Variants in RAPGEF5 observed in about 807,000 individuals in gnomAD.
RAPGEF5 encodes M-Ras-regulated GEF.
Under a neutral mutation model 125.2 loss-of-function variants are expected in RAPGEF5, and 65 were observed. The ratio of observed to expected loss-of-function variants is 0.52; its 90% CI spans 0.43 to 0.64. The LOEUF (loss-of-function observed/expected upper bound fraction) is 0.64, where lower values mean the gene tolerates loss of function less well. Ranked by LOEUF, RAPGEF5 falls within the 30% of genes least tolerant of loss-of-function variation. The probability of loss-of-function intolerance (pLI) is 0.00; values close to 1 mark genes in which losing one functional copy is unlikely to be tolerated. For synonymous variants in RAPGEF5, 391 were observed against 385.9 expected (o/e 1.01, Z -0.16); for missense variants, 958 against 1,048.1 (o/e 0.91, Z 1.19).
At chr7:22,195,603 C>T (rs1173612904) in intron 9 of RAPGEF5, among the ~76,000 whole-genome samples, 1 of 152,034 alleles carries the variant, frequency 6.6e-6, no homozygotes, top group Admixed American at 6.6e-5. Flanking sequence ...GTGGGACTCC[C>T]GTAACATGAA....
chr7:22,356,241 C>T, intron 1 of RAPGEF5: 1 of 985,412 alleles, frequency 1.0e-6, no homozygotes, highest in African/African-American at 1.7e-5. Flanking sequence ...TTCTTGGGGG[C>T]GTGCACCCTC....
At chr7:22,193,787 C>T (rs1422328795) in intron 10 of RAPGEF5, 128 bp downstream of exon 10, 1 of 1,600,210 alleles carries the variant, frequency 6.2e-7, no homozygotes, top group Non-Finnish European at 8.5e-7. Context: ...GCTGGAGAGG[C>T]GGAGAGAAAA....
chr7:22,254,043 C>T (rs992898823), intron 7 of RAPGEF5, among the ~76,000 whole-genome samples: 4 of 152,128 alleles, frequency 2.6e-5, no homozygotes, highest in African/African-American at 9.7e-5. Context: ...TCATCAATTT[C>T]ATTTCTTGTG....
chr7:22,190,890 C>T (rs947968868), intron 11 of RAPGEF5, among the ~76,000 whole-genome samples: 1 of 152,188 alleles, frequency 6.6e-6, no homozygotes, highest in East Asian at 1.9e-4. Context: ...TGCTATTAGG[C>T]CATGTGGAGG....
chr7:22,274,062 C>T (rs996253919), intron 6 of RAPGEF5, among the ~76,000 whole-genome samples: 1 of 152,162 alleles, frequency 6.6e-6, no homozygotes, highest in African/African-American at 2.4e-5. Context: ...CCATGGCATC[C>T]CATGCTCCAG....
chr7:22,312,927 T>C (rs975990238), intron 3 of RAPGEF5, among the ~76,000 whole-genome samples: 1 of 152,160 alleles, frequency 6.6e-6, no homozygotes. Flanking sequence ...CCACAGGACT[T>C]AGGGGAGAGC....
intron 12 of RAPGEF5, 145 bp from the exon 13 acceptor site, chr7:22,162,686 G>C: frequency 1.2e-6 from 1 of 834,670 alleles, no homozygotes; most frequent in Non-Finnish European, 1.9e-6. Context: ...AGAGCAAAAG[G>C]TGTGCACTGA....
chr7:22,153,321 A>G (rs1003819434), intron 17 of RAPGEF5, among the ~76,000 whole-genome samples: 1 of 152,202 alleles, frequency 6.6e-6, no homozygotes, highest in Non-Finnish European at 1.5e-5. Flanking sequence ...ATTAAACATA[A>G]CATACATTTA....
chr7:22,122,967 T>C (rs1177138749), intron 25 of RAPGEF5, among the ~76,000 whole-genome samples: 1 of 152,182 alleles, frequency 6.6e-6, no homozygotes, highest in Non-Finnish European at 1.5e-5. Context: ...TCGCTGATAA[T>C]GTATTTAGCA....
At chr7:22,265,071 G>A (rs976785358) in intron 7 of RAPGEF5, among the ~76,000 whole-genome samples, 1 of 152,066 alleles carries the variant, frequency 6.6e-6, no homozygotes, top group African/African-American at 2.4e-5. Flanking sequence ...AATCAAATCA[G>A]GGTAGTTGGG....
chr7:22,256,264 C>T (rs1247074175), intron 7 of RAPGEF5, among the ~76,000 whole-genome samples: 3 of 152,172 alleles, frequency 2.0e-5, no homozygotes, highest in Non-Finnish European at 2.9e-5. Context: ...TCTACAGAGT[C>T]CTTGAGGCAA....
intron 7 of RAPGEF5, among the ~76,000 whole-genome samples, chr7:22,249,442 G>A (rs947370040): frequency 5.3e-5 from 8 of 151,890 alleles, no homozygotes; most frequent in Non-Finnish European, 8.8e-5. Flanking sequence ...TCTCCACCTC[G>A]GCTTCCCAAA....
intron 12 of RAPGEF5, among the ~76,000 whole-genome samples, chr7:22,165,564 A>G (rs181716273): frequency 3.9e-5 from 6 of 152,324 alleles, no homozygotes; most frequent in Admixed American, 6.5e-5. Context: ...TCAAAACTAA[A>G]TAACAGTTCA....
In RAPGEF5 at chr7:22,154,539, C is replaced by T; in HGVS notation, c.1702G>A (p.Ala568Thr). 1 of 1,613,910 alleles carries T rather than the reference C, an allele frequency of 6.2e-7. No homozygotes were observed. Among genetic ancestry groups the T allele is most frequent in the Non-Finnish European group, 8.5e-7 (1 of 1,179,804 alleles). Residue 568 changes from alanine (A) to threonine (T), a missense_variant, in exon 17 of 26, where the codon GCC becomes ACC. Coordinates refer to ENST00000665637, the MANE Select transcript of RAPGEF5 (RefSeq NM_012294.5). The part of the protein sequence containing the change: ...VSVKAKVSSI[A>T]QEILKVVAEK... ...GCCACGACTTTTAGGATCTCTTGGGCTATACTGGAAACTTTTGCCTTCACA... is the reference window on the plus strand; with the variant it reads ...GCCACGACTTTTAGGATCTCTTGGGTTATACTGGAAACTTTTGCCTTCACA...
At chr7:22,272,523 C>A (rs1371294496) in intron 6 of RAPGEF5, among the ~76,000 whole-genome samples, 1 of 152,008 alleles carries the variant, frequency 6.6e-6, no homozygotes, top group African/African-American at 2.4e-5. Flanking sequence ...ATCTATTAAT[C>A]TTAGAAACAT....
intron 1 of RAPGEF5, among the ~76,000 whole-genome samples, chr7:22,339,465 C>T (rs1357307626): frequency 1.3e-5 from 2 of 152,246 alleles, no homozygotes; most frequent in Middle Eastern, 3.4e-3. Flanking sequence ...TGTTAAACTA[C>T]GAAGTTTTTG....
At chr7:22,316,280 A>C (rs1783586921) in intron 2 of RAPGEF5, among the ~76,000 whole-genome samples, 1 of 151,558 alleles carries the variant, frequency 6.6e-6, no homozygotes. Flanking sequence ...TATGAAAATT[A>C]ATATATTACT....
chr7:22,147,919 TAA>T (rs1783495770), intron 18 of RAPGEF5, among the ~76,000 whole-genome samples: 1 of 152,144 alleles, frequency 6.6e-6, no homozygotes, highest in Non-Finnish European at 1.5e-5. Context: ...AACTGAAAAA[TAA>T]GTTATTTGCA....
At chr7:22,165,335 C>A (rs1179880388) in intron 12 of RAPGEF5, among the ~76,000 whole-genome samples, 4 of 152,082 alleles carry the variant, frequency 2.6e-5, no homozygotes, top group Non-Finnish European at 5.9e-5. Flanking sequence ...TTAAAGGCAT[C>A]TCATTTGTTA....
Sources: gnomAD v4.1 joint callset for allele counts (sites outside exome capture counted in the v4.1 genomes callset) on GRCh38, gnomAD v4.1.1 for gene constraint, MANE v1.5 for transcripts, NCBI Gene and HGNC (gene_info 2026-07-23, HGNC 2026-07-21) for gene names.